ADCY9: variants seen among roughly 807,000 people sequenced by gnomAD.
ADCY9 encodes adenylate cyclase type 9.
ADCY9 carries 50 observed loss-of-function variants against 101.5 expected under a neutral mutation model. The observed-to-expected ratio is 0.49, with a 90% confidence interval of 0.39 to 0.62. The LOEUF is 0.62. ADCY9 is among the 20% of genes least tolerant of loss of function. The pLI is 0.00. For missense variants in ADCY9, 1,662 were observed against 1,800.4 expected (o/e 0.92, Z 1.39); for synonymous variants, 905 against 769.3 (o/e 1.18, Z -2.92).
intron 2 of ADCY9, among the ~76,000 whole-genome samples, chr16:4,056,485 C>CACTTT (rs2056738800): frequency 6.6e-6 from 1 of 152,178 alleles, no homozygotes; most frequent in African/African-American, 2.4e-5. Flanking sequence ...AAATGCTGAC[C>CACTTT]TCAAGTGATC....
intron 3 of ADCY9, among the ~76,000 whole-genome samples, chr16:3,996,319 G>A (rs780027270): frequency 6.6e-6 from 1 of 152,178 alleles, no homozygotes; most frequent in Admixed American, 6.5e-5. Flanking sequence ...CTGTGATTGT[G>A]CCACTGCACT....
chr16:3,986,010 G>T (rs1305461445), intron 6 of ADCY9, among the ~76,000 whole-genome samples: 3 of 151,932 alleles, frequency 2.0e-5, no homozygotes, highest in African/African-American at 7.3e-5. Context: ...GCCACTGGCT[G>T]CCAGGGCACC....
At chr16:3,961,755 G>A (rs1006403460), downstream of ADCY9, among the ~76,000 whole-genome samples, 3 of 152,188 alleles carry the variant, frequency 2.0e-5, no homozygotes, top group African/African-American at 7.2e-5. Context: ...GCCGGGCACA[G>A]TGGCTCATGC....
intron 2 of ADCY9, among the ~76,000 whole-genome samples, chr16:4,102,540 C>T (rs781211579): frequency 6.6e-6 from 1 of 152,168 alleles, no homozygotes; most frequent in Non-Finnish European, 1.5e-5. Context: ...ATTCTCCTAC[C>T]TCAGCCGCCC....
intron 2 of ADCY9, among the ~76,000 whole-genome samples, chr16:4,046,305 C>T (rs2056664421): frequency 6.6e-6 from 1 of 152,216 alleles, no homozygotes; most frequent in Non-Finnish European, 1.5e-5. Flanking sequence ...TGAACCATAG[C>T]ACATGCGCAT....
At chr16:3,970,151 C>T (rs1360252911) in intron 10 of ADCY9, among the ~76,000 whole-genome samples, 1 of 152,006 alleles carries the variant, frequency 6.6e-6, no homozygotes, top group Non-Finnish European at 1.5e-5. Context: ...CTTATATATG[C>T]GACTGGCGGA....
Position 4,033,719 on chromosome 16 carries a change from G to C in ADCY9, c.1694-26161C>G, listed in dbSNP as rs1056236861. ...CATGAGCCTTGACAAGCTGACAACA[G>C]TTATCTATGTTCTTCGTCAGTTCAT... On this transcript the variant is annotated intron_variant, in intron 2 of 10. Coordinates refer to ENST00000294016, the MANE Select transcript of ADCY9 (RefSeq NM_001116.4). Among the ~76,000 whole-genome samples, 66 of 152,246 alleles carry C rather than the reference G, an allele frequency of 4.3e-4. 1 individual carries two copies. The highest frequency in any genetic ancestry group is 1.4e-3 in the African/African-American group (58 of 41,556).
At chr16:4,082,683 T>G (rs2526656) in intron 2 of ADCY9, among the ~76,000 whole-genome samples, 17,548 of 146,414 alleles carry the variant, frequency 0.12, 1,538 homozygotes, top group East Asian at 0.44. Flanking sequence ...CACCCATGCA[T>G]GCATGCACAC....
At chr16:4,111,295 T>C (rs979667933) in intron 2 of ADCY9, among the ~76,000 whole-genome samples, 4 of 152,148 alleles carry the variant, frequency 2.6e-5, no homozygotes, top group South Asian at 2.1e-4. Context: ...TTTGTTGTTG[T>C]TGTTTTTTAA....
chr16:4,055,205 T>G (rs545903087), intron 2 of ADCY9, among the ~76,000 whole-genome samples: 4 of 152,294 alleles, frequency 2.6e-5, no homozygotes, highest in African/African-American at 9.6e-5. Flanking sequence ...GCCAGCTCTA[T>G]TCAGCAGATT....
intron 2 of ADCY9, among the ~76,000 whole-genome samples, chr16:4,096,898 A>G (rs2057007147): frequency 6.6e-6 from 1 of 152,170 alleles, no homozygotes; most frequent in African/African-American, 2.4e-5. Flanking sequence ...AGGGGGAAAA[A>G]AAAAAGAACA....
rs188407960 is a variant in ADCY9 at position 4,099,789 on chromosome 16, C to T, written c.1693+13961G>A. 5.7e-3 allele frequency among the ~76,000 whole-genome samples: 866 copies of T among 152,346 alleles called. 4 individuals are homozygous for T. Among genetic ancestry groups the T allele is most frequent in the Admixed American group, 9.9e-3 (152 of 15,304 alleles). On this transcript the variant is annotated intron_variant, in intron 2 of 10. Coordinates refer to ENST00000294016, the MANE Select transcript of ADCY9 (RefSeq NM_001116.4). ...CATCTCAGCTGGGTGCCTTGGCTCA[C>T]GCCTGTAATCCCAACACTTCGGGAG...
intron 2 of ADCY9, among the ~76,000 whole-genome samples, chr16:4,018,970 T>TGTGTGTGTGTG (rs1555509543): frequency 4.0e-5 from 6 of 149,496 alleles, no homozygotes; most frequent in African/African-American, 1.3e-4. Flanking sequence ...TGTGTGTGTG[T>TGTGTGTGTGTG]TTTGTTTTGT....
At chr16:4,066,056 C>T (rs924816213) in intron 2 of ADCY9, among the ~76,000 whole-genome samples, 3 of 152,204 alleles carry the variant, frequency 2.0e-5, no homozygotes, top group Non-Finnish European at 4.4e-5. Context: ...CCTGCTGCTG[C>T]CTCTTAAGGA....
At chr16:4,071,364 A>AAAAAAAAT (rs2056833452) in intron 2 of ADCY9, among the ~76,000 whole-genome samples, 1 of 129,888 alleles carries the variant, frequency 7.7e-6, no homozygotes, top group Non-Finnish European at 1.6e-5. Context: ...AAAAAAAAAA[A>AAAAAAAAT]TCAAAAAAGT....
At chr16:3,988,964 T>A in intron 6 of ADCY9, 30 bp downstream of exon 6, 1 of 1,522,556 alleles carries the variant, frequency 6.6e-7, no homozygotes. Flanking sequence ...ACACATTCTT[T>A]AGTAAAAGCG....
intron 2 of ADCY9, among the ~76,000 whole-genome samples, chr16:4,084,454 G>A (rs2056924849): frequency 6.6e-6 from 1 of 152,006 alleles, no homozygotes; most frequent in African/African-American, 2.4e-5. Context: ...GGCTGGGCAC[G>A]GTGGCTCACA....
chr16:3,981,694 G>A lies in ADCY9; in HGVS notation c.2519+1538C>T, dbSNP rs545280661. On this transcript the variant is annotated intron_variant, in intron 7 of 10. Coordinates refer to ENST00000294016, the MANE Select transcript of ADCY9 (RefSeq NM_001116.4). ...TGCAATCTCCACCTCCTGGGTTCAAGTTGATTCTCCTGCCTCAGCCTCCCG... is the reference window on the plus strand; with the variant it reads ...TGCAATCTCCACCTCCTGGGTTCAAATTGATTCTCCTGCCTCAGCCTCCCG... 2.0e-5 allele frequency: 3 copies of A among 152,076 alleles called. No homozygotes were observed. In the South Asian group the frequency reaches 6.2e-4, roughly 32 times the overall value. The allele number at this position is 152,076 out of a possible 1,614,324, so 9.4% of individuals were successfully genotyped here.
intron 5 of ADCY9, among the ~76,000 whole-genome samples, chr16:3,954,621 C>T (rs573950103): frequency 2.6e-4 from 40 of 152,296 alleles, no homozygotes; most frequent in African/African-American, 8.9e-4. Flanking sequence ...ACGAGGTTCA[C>T]CAAGAAGCCA....
Sources: gnomAD v4.1 joint callset for allele counts (sites outside exome capture counted in the v4.1 genomes callset) on GRCh38, gnomAD v4.1.1 for gene constraint, MANE v1.5 for transcripts, NCBI Gene and HGNC (gene_info 2026-07-23, HGNC 2026-07-21) for gene names.